TTC28: variants seen among roughly 807,000 people sequenced by gnomAD.
The protein encoded by TTC28 is tetratricopeptide repeat domain 28, also known as tetratricopeptide repeat protein 28.
In TTC28, 61 loss-of-function variants were observed where a neutral mutation model predicts 198.0. That is an observed-to-expected ratio of 0.31 (90% CI 0.25 to 0.38). The LOEUF is 0.38. TTC28 is among the 10% of genes least tolerant of loss of function. The pLI, the probability that TTC28 is intolerant of heterozygous loss-of-function variation, is 1.00. For synonymous variants in TTC28, 1,171 were observed against 1,297.8 expected (o/e 0.90, Z 2.10); for missense variants, 2,678 against 3,164.0 (o/e 0.85, Z 3.69).
chr22:28,385,621 A>G (rs926643048), intron 2 of TTC28, among the ~76,000 whole-genome samples: 7 of 151,948 alleles, frequency 4.6e-5, no homozygotes, highest in Non-Finnish European at 1.0e-4. Context: ...TATAAGTAAT[A>G]GGCACTCACT....
At chr22:28,193,097 G>C (rs1452225799) in intron 5 of TTC28, among the ~76,000 whole-genome samples, 5 of 152,218 alleles carry the variant, frequency 3.3e-5, no homozygotes, top group African/African-American at 9.6e-5. Flanking sequence ...TCTCAGGACA[G>C]AAACTCTACA....
intron 6 of TTC28, among the ~76,000 whole-genome samples, chr22:28,124,168 T>TTG (rs1942859750): frequency 6.1e-5 from 9 of 148,094 alleles, no homozygotes; most frequent in African/African-American, 1.5e-4. Flanking sequence ...CTTATCTCTC[T>TTG]TTGTTGTTGT....
At chr22:28,558,393 G>A (rs906879523) in intron 2 of TTC28, among the ~76,000 whole-genome samples, 1 of 152,194 alleles carries the variant, frequency 6.6e-6, no homozygotes, top group Non-Finnish European at 1.5e-5. Context: ...AAAAATATTG[G>A]CCAGGCGCAG....
chr22:28,600,133 A>G (rs1167247059), intron 2 of TTC28, among the ~76,000 whole-genome samples: 1 of 152,140 alleles, frequency 6.6e-6, no homozygotes, highest in East Asian at 1.9e-4. Flanking sequence ...GGTGGCTCAC[A>G]TCGTAATCCC....
At chr22:28,133,553 A>G (rs1943114020) in intron 6 of TTC28, among the ~76,000 whole-genome samples, 4 of 152,316 alleles carry the variant, frequency 2.6e-5, no homozygotes, top group Non-Finnish European at 5.9e-5. Flanking sequence ...ACGGCACACC[A>G]GGAGATTATA....
At chr22:28,376,711 G>A (rs1241188019) in intron 2 of TTC28, among the ~76,000 whole-genome samples, 2 of 152,152 alleles carry the variant, frequency 1.3e-5, no homozygotes, top group Admixed American at 6.5e-5. Flanking sequence ...AGTTGGGAAG[G>A]CAGAGTTGAG....
intron 5 of TTC28, among the ~76,000 whole-genome samples, chr22:28,184,770 A>T (rs2147112535): frequency 6.6e-6 from 1 of 152,230 alleles, no homozygotes; most frequent in African/African-American, 2.4e-5. Flanking sequence ...AATGAAAATG[A>T]ATACTAAAAA....
intron 2 of TTC28, among the ~76,000 whole-genome samples, chr22:28,600,171 G>C (rs758092820): frequency 6.6e-6 from 1 of 152,058 alleles, no homozygotes; most frequent in Admixed American, 6.6e-5. Context: ...GAGGCAAGAG[G>C]GATGCTTGAA....
At chr22:28,658,011 A>T (rs540520836) in intron 1 of TTC28, among the ~76,000 whole-genome samples, 1 of 152,348 alleles carries the variant, frequency 6.6e-6, no homozygotes, top group Admixed American at 6.5e-5. Flanking sequence ...GAAATTTAGT[A>T]AAGAATTTTT....
intron 5 of TTC28, among the ~76,000 whole-genome samples, chr22:28,170,489 CA>C (rs71791002): frequency 2.1e-3 from 206 of 100,004 alleles, no homozygotes; most frequent in Middle Eastern, 6.0e-3. Flanking sequence ...ACTCCGTCTC[CA>C]AAAAAAAAAA....
At chr22:28,347,066 CA>C (rs1363052025) in intron 2 of TTC28, among the ~76,000 whole-genome samples, 1 of 152,046 alleles carries the variant, frequency 6.6e-6, no homozygotes, top group Non-Finnish European at 1.5e-5. Flanking sequence ...AGTTCCAGAT[CA>C]GCCTGGCCAA....
At chr22:28,468,523 C>T (rs2048055012) in intron 2 of TTC28, among the ~76,000 whole-genome samples, 1 of 144,472 alleles carries the variant, frequency 6.9e-6, no homozygotes, top group South Asian at 2.2e-4. Flanking sequence ...TCTCATAATG[C>T]TTTTTTTTTT....
chr22:28,066,186 T>C (rs1940738100), intron 12 of TTC28, among the ~76,000 whole-genome samples: 1 of 152,154 alleles, frequency 6.6e-6, no homozygotes, highest in Admixed American at 6.5e-5. Context: ...TCAAAGTGTA[T>C]GTAATACTTT....
chr22:28,173,801 T>G (rs946790346), intron 5 of TTC28, among the ~76,000 whole-genome samples: 1 of 152,230 alleles, frequency 6.6e-6, no homozygotes, highest in Non-Finnish European at 1.5e-5. Context: ...TTAAATATTA[T>G]GCTGAAGATT....
At chr22:28,012,374 T>C (rs967801170) in intron 14 of TTC28, among the ~76,000 whole-genome samples, 12 of 152,076 alleles carry the variant, frequency 7.9e-5, no homozygotes, top group Admixed American at 5.9e-4. Flanking sequence ...TGTGATCGGA[T>C]CCGGGAGGCC....
At chr22:28,342,003 A>G (rs1038874958) in intron 2 of TTC28, among the ~76,000 whole-genome samples, 1 of 152,066 alleles carries the variant, frequency 6.6e-6, no homozygotes, top group African/African-American at 2.4e-5. Flanking sequence ...AAAAATTTAA[A>G]AAACAAAGAT....
chr22:28,198,906 C>T (rs1925628225), intron 5 of TTC28, among the ~76,000 whole-genome samples: 1 of 152,096 alleles, frequency 6.6e-6, no homozygotes, highest in Non-Finnish European at 1.5e-5. Context: ...AACTGAGTCA[C>T]AGGCCACAAG....
intron 2 of TTC28, among the ~76,000 whole-genome samples, chr22:28,478,899 T>C (rs754865275): frequency 6.6e-6 from 1 of 152,222 alleles, no homozygotes; most frequent in Non-Finnish European, 1.5e-5. Flanking sequence ...ATCACCCTCA[T>C]TTATTGTCTT....
intron 2 of TTC28, among the ~76,000 whole-genome samples, chr22:28,348,713 A>G (rs2045946943): frequency 6.6e-6 from 1 of 152,222 alleles, no homozygotes; most frequent in African/African-American, 2.4e-5. Flanking sequence ...ACTGCTAACC[A>G]ATCGATGGCT....
Sources: gnomAD v4.1 joint callset for allele counts (sites outside exome capture counted in the v4.1 genomes callset) on GRCh38, gnomAD v4.1.1 for gene constraint, MANE v1.5 for transcripts, NCBI Gene and HGNC (gene_info 2026-07-23, HGNC 2026-07-21) for gene names.